Variants in SH3BP1 observed in about 807,000 individuals in gnomAD.
The protein encoded by SH3BP1 is SH3 domain binding protein 1, also known as SH3 domain-binding protein 1.
SH3BP1 carries 46 observed loss-of-function variants against 69.8 expected under a neutral mutation model. The observed-to-expected ratio is 0.66, with a 90% confidence interval of 0.52 to 0.84. The LOEUF (loss-of-function observed/expected upper bound fraction) is 0.84. Among genes scored for constraint, SH3BP1 ranks in the 40% least tolerant of loss-of-function variants. SH3BP1 has a pLI of 0.00. For missense variants in SH3BP1, 868 were observed against 930.9 expected (o/e 0.93, Z 0.88); for synonymous variants, 403 against 378.0 (o/e 1.07, Z -0.77).
At position 37,655,446 on chromosome 22, in the gene SH3BP1, TACCCCCCAC is replaced by T; in HGVS notation, c.1875_1883del (p.Thr626_Pro628del). 2.5e-6 allele frequency: 2 copies of T among 801,430 alleles called. No individual in the cohort carries two copies. The highest frequency in any genetic ancestry group is 3.5e-6 in the Non-Finnish European group (2 of 578,096). The allele number at this position is 801,430 out of a possible 1,614,324, so 49.6% of individuals were successfully genotyped here. A position where few individuals can be genotyped will look rare whatever the true frequency, so the allele number is the denominator to read the frequency against. ...CGAGCCCCCACAGTGCCACCCCCGT[TACCCCCCAC>T]ACCCCCTCAGCCTGCCCGGCGCCAA... On this transcript the variant is annotated inframe_deletion, in exon 18 of 18. Coordinates refer to ENST00000649765, the MANE Select transcript of SH3BP1 (RefSeq NM_018957.6).
chr22:37,644,055 A>C (rs1387872843), intron 7 of SH3BP1, among the ~76,000 whole-genome samples: 2 of 152,178 alleles, frequency 1.3e-5, no homozygotes, highest in Non-Finnish European at 2.9e-5. Context: ...ATGAAGAGTG[A>C]ATGAAAGAAT....
Position 37,641,098 on chromosome 22 carries a change from T to TCC in SH3BP1, c.60-16_60-15dup, listed in dbSNP as rs751968178. 1.4e-3 allele frequency: 1,313 copies of TCC among 947,588 alleles called. 20 individuals carry two copies. The African/African-American group carries it at 0.015, about 11-fold the overall frequency. 58.7% of individuals were successfully genotyped at this position (947,588 alleles called of 1,614,324 possible). ...CCAGGCAGGCTCAGCAGAAGCACTC[T>TCC]CCCCCCCCCCCCCACCACTCCCCGC... On this transcript the variant is annotated intron_variant, in intron 1 of 17. Coordinates refer to ENST00000649765, the MANE Select transcript of SH3BP1 (RefSeq NM_018957.6).
At chr22:37,648,296 C>T (rs781610047) in intron 13 of SH3BP1, 23 bp from the exon 14 acceptor site, 9 of 1,544,424 alleles carry the variant, frequency 5.8e-6, no homozygotes, top group Non-Finnish European at 8.0e-6. Flanking sequence ...CTGCCCCTGG[C>T]CTAAGCCTGC....
At position 37,639,710 on chromosome 22, in the gene SH3BP1, G is replaced by A. The variant is rs1408210342; in HGVS notation, c.-78G>A. 3 of 911,640 alleles carry A rather than the reference G, an allele frequency of 3.3e-6. No individual in the cohort carries two copies. The highest frequency in any genetic ancestry group is 4.7e-6 in the Non-Finnish European group (3 of 635,286). The allele number at this position is 911,640 out of a possible 1,614,324, so 56.5% of individuals were successfully genotyped here. A position where few individuals can be genotyped will look rare whatever the true frequency, so the allele number is the denominator to read the frequency against. ...CATCCGGGGCAAGAGCCGCGCCGCA[G>A]GAGAGGCAGGCTGGACCGGGGGCTC... is the stretch of plus-strand genomic sequence containing the variant. On this transcript the variant is annotated 5_prime_UTR_variant, in exon 1 of 18. Transcript: ENST00000649765.
rs370150817 is a variant in SH3BP1 at position 37,653,867 on chromosome 22, C to T, written c.1687C>T (p.Arg563Trp). 9.5e-6 allele frequency: 12 copies of T among 1,256,830 alleles called. No individual in the cohort carries two copies. The highest frequency in any genetic ancestry group is 2.3e-4 in the Middle Eastern group (1 of 4,432). 77.9% of individuals were successfully genotyped at this position (1,256,830 alleles called of 1,614,324 possible). A position where few individuals can be genotyped will look rare whatever the true frequency, so the allele number is the denominator to read the frequency against. Residue 563 changes from arginine (R) to tryptophan (W), a missense_variant, in exon 17 of 18, where the codon CGG becomes TGG. Transcript: ENST00000649765. ...ETAAPVEDMA[R>W]RTKRPAPARP... Reference sequence around the variant, plus strand: ...AGCTGCCCCAGTGGAGGACATGGCTCGGAGGAGTGAGTTGGCTGTGGGAGG... The same window carrying T: ...AGCTGCCCCAGTGGAGGACATGGCTTGGAGGAGTGAGTTGGCTGTGGGAGG...
At chr22:37,648,566 G>A in intron 14 of SH3BP1, 131 bp downstream of exon 14, 1 of 676,314 alleles carries the variant, frequency 1.5e-6, no homozygotes, top group South Asian at 1.7e-5. Context: ...TGTTTTTGAG[G>A]CTGCCGTGAG....
chr22:37,644,546 TG>T, intron 7 of SH3BP1, 90 bp from the exon 8 acceptor site: 3 of 1,247,012 alleles, frequency 2.4e-6, no homozygotes, highest in Non-Finnish European at 3.5e-6. Flanking sequence ...TTGTGTGGCC[TG>T]GGGGAGGTCA....
rs1569006902 is a variant in SH3BP1, at chr22:37,644,722, G to A, written c.687+17G>A. On this transcript the variant is annotated intron_variant, in intron 8 of 17. Coordinates refer to ENST00000649765, the MANE Select transcript of SH3BP1 (RefSeq NM_018957.6). ...TTCATTCGTGTGAGTCCAAGACCGG[G>A]CCCCAGCCATCCAGAGTTCAGGGGC... 8 of 1,614,086 alleles carry A rather than the reference G, an allele frequency of 5.0e-6. No homozygotes were observed. The highest frequency in any genetic ancestry group is 6.8e-6 in the Non-Finnish European group (8 of 1,179,928).
chr22:37,655,379 AC>A lies in SH3BP1; in HGVS notation c.1807del (p.Gln603LysfsTer55), dbSNP rs1253988905. On this transcript the variant is annotated frameshift_variant, in exon 18 of 18. Transcript: ENST00000649765. LOFTEE classifies it low-confidence loss of function (END_TRUNC). The stretch of plus-strand genomic sequence containing the variant: ...GCCCCCTGGCTCTGGCAGCCCTGGG[AC>A]CCCCCAAGCCCTGCCCCGACGTCTG... ...PLPPGSGSPG[T>X]PQALPRRLVG... The A allele has an allele frequency of 1.2e-5, 13 of 1,095,102 alleles. No homozygotes were observed. Among genetic ancestry groups the A allele is most frequent in the African/African-American group, 4.3e-5 (2 of 46,944 alleles). 67.8% of individuals were successfully genotyped at this position (1,095,102 alleles called of 1,614,324 possible).
chr22:37,639,675 G>A lies in SH3BP1; in HGVS notation c.-113G>A, dbSNP rs1234411694. ...GCGCGGCGGCCCAGGAAGCGAGAGCGCCGCCCACCCATCCGGGGCAAGAGC... is the reference window on the plus strand; with the variant it reads ...GCGCGGCGGCCCAGGAAGCGAGAGCACCGCCCACCCATCCGGGGCAAGAGC... On this transcript the variant is annotated 5_prime_UTR_variant, in exon 1 of 18. Transcript: ENST00000649765. 7 of 600,596 alleles carry A rather than the reference G, an allele frequency of 1.2e-5. No homozygotes were observed. Among genetic ancestry groups the A allele is most frequent in the South Asian group, 8.3e-5 (3 of 36,352 alleles). 37.2% of individuals were successfully genotyped at this position (600,596 alleles called of 1,614,324 possible).
intron 14 of SH3BP1, among the ~76,000 whole-genome samples, chr22:37,649,582 G>A (rs985418512): frequency 5.3e-5 from 8 of 152,118 alleles, no homozygotes; most frequent in Admixed American, 2.0e-4. Flanking sequence ...TCGGGAGTTC[G>A]AGACCAGCCT....
Position 37,648,310 on chromosome 22 carries a change from C to T in SH3BP1, c.1200-9C>T, listed in dbSNP as rs770065032. On this transcript the variant is annotated splice_polypyrimidine_tract_variant and intron_variant, in intron 13 of 17. Coordinates refer to ENST00000649765, the MANE Select transcript of SH3BP1 (RefSeq NM_018957.6). Reference sequence around the variant, plus strand: ...TCTGCCCCTGGCCTAAGCCTGCCTCCGCCCTTAGGTACCTGATGAAGTTCC... The same window carrying T: ...TCTGCCCCTGGCCTAAGCCTGCCTCTGCCCTTAGGTACCTGATGAAGTTCC... 30 of 1,576,236 alleles carry T rather than the reference C, an allele frequency of 1.9e-5. No homozygotes were observed. Among genetic ancestry groups the T allele is most frequent in the African/African-American group, 4.0e-5 (3 of 74,440 alleles).
intron 10 of SH3BP1, among the ~76,000 whole-genome samples, chr22:37,646,591 C>T (rs1354457610): frequency 2.0e-5 from 3 of 152,160 alleles, no homozygotes; most frequent in South Asian, 2.1e-4. Context: ...TCCATTTCCC[C>T]ATGATTTTTC....
intron 14 of SH3BP1, 94 bp downstream of exon 14, chr22:37,648,529 C>T: frequency 1.2e-6 from 1 of 863,238 alleles, no homozygotes; most frequent in Non-Finnish European, 1.9e-6. Context: ...TTGGTGTCCC[C>T]ATTTTTGGAG....
rs962231963 is a variant in SH3BP1 at position 37,648,416 on chromosome 22, T to C, written c.1297T>C (p.Trp433Arg). The C allele has an allele frequency of 1.3e-6, 2 of 1,566,684 alleles. No homozygotes were observed. The highest frequency in any genetic ancestry group is 2.7e-5 in the African/African-American group (2 of 74,310). Residue 433 changes from tryptophan (W) to arginine (R), a missense_variant, in exon 14 of 18, where the codon TGG becomes CGG. By Grantham distance (101) the Trp-to-Arg change is moderately radical. Transcript: ENST00000649765. The part of the protein sequence containing the change: ...IAIVLGPNLL[W>R]PPEKEGDQAQ... ...CATAGTCCTGGGACCCAACTTGCTGTGGCCACCTGAGAAAGAAGGGTGAGG... is the reference window on the plus strand; with the variant it reads ...CATAGTCCTGGGACCCAACTTGCTGCGGCCACCTGAGAAAGAAGGGTGAGG...
At position 37,646,882 on chromosome 22, in the gene SH3BP1, AC is replaced by A; in HGVS notation, c.994del (p.His332ThrfsTer28). The stretch of plus-strand genomic sequence containing the variant: ...CGTCTCAAGCAGACAATGGCCTCGG[AC>A]CCCCACAGCCTGGAGGAGTTCTGCT... Reference protein sequence around the residue: ...LKRLKQTMASDPHSLEEFCSD... With the variant: ...LKRLKQTMASXPHSLEEFCSD... On this transcript the variant is annotated frameshift_variant, in exon 11 of 18. Transcript: ENST00000649765. LOFTEE classifies it high-confidence loss of function. 1 of 1,563,078 alleles carries A rather than the reference AC, an allele frequency of 6.4e-7. No individual in the cohort carries two copies. The highest frequency in any genetic ancestry group is 1.9e-5 in the Admixed American group (1 of 53,106).
In SH3BP1 at chr22:37,655,511, G is replaced by T; in HGVS notation, c.1933G>T (p.Ala645Ser). ...GCGTTCACCAGCCTCCCCCAGCCCGGCCTCCCCAGGTCCAGCCTCCCCCAG... is the reference window on the plus strand; with the variant it reads ...GCGTTCACCAGCCTCCCCCAGCCCGTCCTCCCCAGGTCCAGCCTCCCCCAG... The part of the protein sequence containing the change: ...SRRSPASPSP[A>S]SPGPASPSPV... Residue 645 changes from alanine (A) to serine (S), a missense_variant, in exon 18 of 18, where the codon GCC becomes TCC. Physicochemically the swap from Ala to Ser is moderately conservative, Grantham distance 99. This residue lies in a region of SH3BP1 where 474 missense variants were observed against 462.3 expected (regional missense o/e 1.03). Transcript: ENST00000649765. 6.4e-7 allele frequency: 1 copy of T among 1,563,544 alleles called. No individual in the cohort carries two copies.
In SH3BP1 at chr22:37,642,587, A is replaced by G; in HGVS notation, c.256A>G (p.Lys86Glu). The change falls in exon 4 of 18, where the codon AAG becomes GAG. Residue 86 changes from lysine (K) to glutamate (E), a missense_variant. This residue lies in a region of SH3BP1 where 387 missense variants were observed against 447.9 expected (regional missense o/e 0.86). Coordinates refer to ENST00000649765, the MANE Select transcript of SH3BP1 (RefSeq NM_018957.6). ...GTCCACCACGATGGCTGAGAGCTTC[A>G]AGGAGCTGGACCCTGATTCCAGCAT... ...ALSTTMAESF[K>E]ELDPDSSMGK... The G allele has an allele frequency of 1.2e-6, 2 of 1,613,368 alleles. No homozygotes were observed. Among genetic ancestry groups the G allele is most frequent in the Non-Finnish European group, 8.5e-7 (1 of 1,179,994 alleles).
chr22:37,653,120 G>A (rs1401852502), intron 16 of SH3BP1, among the ~76,000 whole-genome samples: 1 of 151,778 alleles, frequency 6.6e-6, no homozygotes, highest in Non-Finnish European at 1.5e-5. Flanking sequence ...CTGAGCGACA[G>A]AGCGAGACTT....
Sources: allele counts gnomAD v4.1 joint callset (sites outside exome capture counted in the v4.1 genomes callset), GRCh38; gene constraint gnomAD v4.1.1; regional missense constraint gnomAD v4.1.1; transcripts MANE v1.5; gene names NCBI Gene and HGNC (gene_info 2026-07-23, HGNC 2026-07-21).